TSPAN5: variants seen among roughly 807,000 people sequenced by gnomAD.
TSPAN5 encodes tetraspanin-5.
In TSPAN5, 10 loss-of-function variants were observed where a neutral mutation model predicts 37.1. The ratio of observed to expected loss-of-function variants is 0.27; its 90% CI spans 0.17 to 0.46. The LOEUF is 0.46. TSPAN5 is among the 20% of genes least tolerant of loss of function. TSPAN5 has a pLI of 1.00. For synonymous variants in TSPAN5, 110 were observed against 118.9 expected (o/e 0.93, Z 0.48); for missense variants, 195 against 326.6 (o/e 0.60, Z 3.11).
intron 1 of TSPAN5, among the ~76,000 whole-genome samples, chr4:98,568,563 A>T (rs1358453241): frequency 4.6e-5 from 7 of 151,962 alleles, no homozygotes; most frequent in African/African-American, 1.7e-4. Context: ...CACCACAAAA[A>T]AAAGAAAAGA....
chr4:98,565,421 A>G (rs760477599), intron 1 of TSPAN5, among the ~76,000 whole-genome samples: 194 of 127,786 alleles, frequency 1.5e-3, no homozygotes, highest in Non-Finnish European at 1.8e-3. Context: ...GCAAATTTTC[A>G]TCCCATTTTG....
chr4:98,480,065 C>G (rs1028041411), intron 4 of TSPAN5, among the ~76,000 whole-genome samples: 2 of 152,178 alleles, frequency 1.3e-5, no homozygotes, highest in Non-Finnish European at 2.9e-5. Context: ...CTGGACCCAG[C>G]TTTCACTATC....
intron 1 of TSPAN5, among the ~76,000 whole-genome samples, chr4:98,528,049 T>C (rs1223155039): frequency 6.6e-6 from 1 of 152,138 alleles, no homozygotes; most frequent in African/African-American, 2.4e-5. Context: ...AATAACCCAA[T>C]TGCCCAACAG....
At chr4:98,496,658 C>G (rs1002107541) in intron 2 of TSPAN5, 5 of 152,178 alleles carry the variant, frequency 3.3e-5, no homozygotes, top group African/African-American at 1.2e-4. Context: ...TCAGGTGGCA[C>G]TGCTCACAGG....
chr4:98,590,871 C>T (rs1321316670), intron 1 of TSPAN5, among the ~76,000 whole-genome samples: 1 of 152,054 alleles, frequency 6.6e-6, no homozygotes, highest in Admixed American at 6.6e-5. Context: ...AGCCTAATTA[C>T]CAGCATTAAG....
At chr4:98,577,651 A>G (rs1178143658) in intron 1 of TSPAN5, among the ~76,000 whole-genome samples, 2 of 152,230 alleles carry the variant, frequency 1.3e-5, no homozygotes, top group African/African-American at 4.8e-5. Flanking sequence ...CCTGAGGAAA[A>G]CTGGAACACC....
chr4:98,652,187 T>C (rs2110292623), intron 1 of TSPAN5, among the ~76,000 whole-genome samples: 2 of 152,232 alleles, frequency 1.3e-5, no homozygotes, highest in South Asian at 2.1e-4. Context: ...ATCTACTGTG[T>C]TTCAGACAAT....
chr4:98,503,746 T>C (rs75481841), intron 2 of TSPAN5, among the ~76,000 whole-genome samples: 3,076 of 152,332 alleles, frequency 0.02, 115 homozygotes, highest in African/African-American at 0.07. Flanking sequence ...AGACTGAAAC[T>C]AGGTCACTTC....
intron 1 of TSPAN5, chr4:98,560,313 T>A (rs753990244): frequency 1.4e-4 from 21 of 152,350 alleles, no homozygotes; most frequent in Non-Finnish European, 2.8e-4. Context: ...GTTTTCCCCA[T>A]AATCTGTAAA....
chr4:98,568,338 C>T (rs944811370), intron 1 of TSPAN5, among the ~76,000 whole-genome samples: 7 of 152,210 alleles, frequency 4.6e-5, no homozygotes, highest in Admixed American at 2.0e-4. Context: ...GTCAGGAGAT[C>T]GAGACCATCC....
At chr4:98,625,876 T>C (rs925345264) in intron 1 of TSPAN5, among the ~76,000 whole-genome samples, 3 of 152,356 alleles carry the variant, frequency 2.0e-5, no homozygotes, top group African/African-American at 7.2e-5. Context: ...TAGATCTTTC[T>C]GTGCCAGGTA....
chr4:98,605,422 C>T (rs1274092548), intron 1 of TSPAN5, among the ~76,000 whole-genome samples: 1 of 152,152 alleles, frequency 6.6e-6, no homozygotes, highest in African/African-American at 2.4e-5. Flanking sequence ...AACACACGAC[C>T]GGTCAGCTGA....
Position 98,472,336 on chromosome 4 carries a change from T to A in TSPAN5, c.*186A>T, listed in dbSNP as rs936125155. 2.1e-6 allele frequency: 1 copy of A among 483,576 alleles called. No homozygotes were observed. Among genetic ancestry groups the A allele is most frequent in the African/African-American group, 2.0e-5 (1 of 50,046 alleles). The allele number at this position is 483,576 out of a possible 1,614,324, so 30.0% of individuals were successfully genotyped here. On this transcript the variant is annotated 3_prime_UTR_variant, in exon 8 of 8. Transcript: ENST00000305798. Reference sequence around the variant, plus strand: ...CGCAACGACTTTCATACTGGTTATTTTTTTTTTTAATTCTGTCAGTGAGCA... The same window carrying A: ...CGCAACGACTTTCATACTGGTTATTATTTTTTTTAATTCTGTCAGTGAGCA...
At chr4:98,610,201 C>A (rs1756147605) in intron 1 of TSPAN5, among the ~76,000 whole-genome samples, 1 of 152,306 alleles carries the variant, frequency 6.6e-6, no homozygotes, top group South Asian at 2.1e-4. Flanking sequence ...CTTCTTGTTG[C>A]ATCATCCCAT....
intron 1 of TSPAN5, among the ~76,000 whole-genome samples, chr4:98,582,732 A>C (rs1313807775): frequency 6.6e-6 from 1 of 152,192 alleles, no homozygotes; most frequent in Non-Finnish European, 1.5e-5. Context: ...AGATGGATTC[A>C]TACACTAAGT....
At chr4:98,614,444 C>T (rs572615177) in intron 1 of TSPAN5, among the ~76,000 whole-genome samples, 10 of 152,200 alleles carry the variant, frequency 6.6e-5, no homozygotes, top group Non-Finnish European at 1.2e-4. Context: ...AAGGTTTCCA[C>T]ACCTTGTGAA....
intron 1 of TSPAN5, among the ~76,000 whole-genome samples, chr4:98,530,730 T>TACACACACACACACAC (rs60087929): frequency 6.7e-6 from 1 of 150,256 alleles, no homozygotes; most frequent in Non-Finnish European, 1.5e-5. Flanking sequence ...ACACATATTA[T>TACACACACACACACAC]ACACACACAC....
In TSPAN5 at chr4:98,533,939, TAAAA is replaced by T. The variant is rs1194318640; in HGVS notation, c.82-26215_82-26212del. On this transcript the variant is annotated intron_variant, in intron 1 of 7. Transcript: ENST00000305798. ...AGTGGTCTATCCATTTTGTTGATCT[TAAAA>T]AAAAAAAAAAAAAAAAAAACCAGCT... Among the ~76,000 whole-genome samples, 16 of 31,154 alleles carry T rather than the reference TAAAA, an allele frequency of 5.1e-4. No homozygotes were observed. The South Asian group carries it at 9.3e-3, about 18-fold the overall frequency. 20.4% of individuals were successfully genotyped at this position (31,154 alleles called of 152,430 possible). A position where few individuals can be genotyped will look rare whatever the true frequency, so the allele number is the denominator to read the frequency against.
intron 1 of TSPAN5, among the ~76,000 whole-genome samples, chr4:98,573,635 C>T (rs956790451): frequency 6.6e-6 from 1 of 152,142 alleles, no homozygotes; most frequent in African/African-American, 2.4e-5. Context: ...AAACTGTCAT[C>T]GAATACTATT....
Sources: gnomAD v4.1 joint callset for allele counts (sites outside exome capture counted in the v4.1 genomes callset) on GRCh38, gnomAD v4.1.1 for gene constraint, MANE v1.5 for transcripts, NCBI Gene and HGNC (gene_info 2026-07-23, HGNC 2026-07-21) for gene names.